The following NWD2 variants were observed in gnomAD, a reference collection of about 807,000 sequenced individuals.
NWD2 encodes NACHT and WD repeat domain containing 2.
Under a neutral mutation model 132.7 loss-of-function variants are expected in NWD2, and 37 were observed. That is an observed-to-expected ratio of 0.28 (90% CI 0.21 to 0.37). The LOEUF is 0.37. NWD2 is among the 10% of genes least tolerant of loss of function. The pLI is 1.00. For synonymous variants in NWD2, 705 were observed against 803.0 expected (o/e 0.88, Z 2.06); for missense variants, 1,592 against 2,122.4 (o/e 0.75, Z 4.91).
At chr4:37,284,374 A>C (rs1278640041) in intron 1 of NWD2, among the ~76,000 whole-genome samples, 2 of 152,202 alleles carry the variant, frequency 1.3e-5, no homozygotes, top group African/African-American at 4.8e-5. Flanking sequence ...GAACATATGA[A>C]TGATAGGATT....
intron 6 of NWD2, among the ~76,000 whole-genome samples, chr4:37,442,389 T>C (rs936599229): frequency 1.3e-5 from 2 of 152,242 alleles, no homozygotes; most frequent in East Asian, 3.8e-4. Flanking sequence ...TCACATATTT[T>C]ATCCTTTAAC....
At chr4:37,428,245 C>T (rs541633297) in intron 3 of NWD2, among the ~76,000 whole-genome samples, 40 of 152,232 alleles carry the variant, frequency 2.6e-4, no homozygotes, top group African/African-American at 9.1e-4. Context: ...GAAATGCCCC[C>T]TAGGGAAACC....
intron 1 of NWD2, among the ~76,000 whole-genome samples, chr4:37,273,955 C>G (rs1228607613): frequency 6.6e-6 from 1 of 151,948 alleles, no homozygotes; most frequent in African/African-American, 2.4e-5. Context: ...ATTTATAGCA[C>G]TAAATGCCCA....
chr4:37,249,043 T>C (rs1227027954), intron 1 of NWD2, among the ~76,000 whole-genome samples: 1 of 152,232 alleles, frequency 6.6e-6, no homozygotes, highest in African/African-American at 2.4e-5. Flanking sequence ...GTCTATCTGA[T>C]ATGGTAACAC....
intron 1 of NWD2, among the ~76,000 whole-genome samples, chr4:37,309,390 T>A (rs1718781907): frequency 6.6e-6 from 1 of 151,970 alleles, no homozygotes; most frequent in African/African-American, 2.4e-5. Context: ...TACAGGCCAC[T>A]GCATTGCCTC....
At chr4:37,270,124 G>A (rs1158147633) in intron 1 of NWD2, among the ~76,000 whole-genome samples, 3 of 151,570 alleles carry the variant, frequency 2.0e-5, no homozygotes, top group Admixed American at 6.6e-5. Flanking sequence ...TTCTTCTGAG[G>A]TATATGTTCA....
chr4:37,327,367 T>G (rs1193979889), intron 2 of NWD2, among the ~76,000 whole-genome samples: 6 of 152,154 alleles, frequency 3.9e-5, no homozygotes, highest in African/African-American at 1.4e-4. Context: ...GCACAGAAGA[T>G]GGATACAGGC....
chr4:37,405,161 C>A (rs1436030542), intron 3 of NWD2, among the ~76,000 whole-genome samples: 1 of 152,170 alleles, frequency 6.6e-6, no homozygotes, highest in African/African-American at 2.4e-5. Flanking sequence ...TGTCACCCAC[C>A]TCTGGGAACC....
At position 37,444,943 on chromosome 4, in the gene NWD2, T is replaced by C; in HGVS notation, c.2955T>C (p.Ala985=). The part of the protein sequence containing the change: ...PTCNPSTVLT[A]LENGSISTWD... ...GTAACCCCAGCACTGTCCTCACAGC[T>C]TTAGAAAATGGTTCCATCAGCACCT... The change falls in exon 7 of 7, where the codon GCT becomes GCC. Residue 985 remains alanine (A), a synonymous_variant. Coordinates refer to ENST00000309447, the MANE Select transcript of NWD2 (RefSeq NM_001144990.2). The surrounding 1 kb of genome is among the most constrained non-coding windows in gnomAD (Gnocchi z 4.8). The C allele has an allele frequency of 3.2e-6, 5 of 1,552,248 alleles. No individual in the cohort carries two copies. Among genetic ancestry groups the C allele is most frequent in the Middle Eastern group, 1.7e-4 (1 of 5,998 alleles).
At chr4:37,438,408 GCCT>G (rs1468142030) in intron 5 of NWD2, among the ~76,000 whole-genome samples, 7 of 152,124 alleles carry the variant, frequency 4.6e-5, no homozygotes, top group Non-Finnish European at 1.0e-4. Flanking sequence ...ACATCCTTCA[GCCT>G]CCTCCTCTTT....
chr4:37,434,072 A>C (rs1463844355), intron 5 of NWD2, 52 bp downstream of exon 5: 1 of 1,215,870 alleles, frequency 8.2e-7, no homozygotes, highest in African/African-American at 1.5e-5. Flanking sequence ...TAATAGGTAC[A>C]TCTACTGCTT....
intron 2 of NWD2, among the ~76,000 whole-genome samples, chr4:37,332,832 C>A (rs1303774263): frequency 6.6e-6 from 1 of 152,146 alleles, no homozygotes; most frequent in African/African-American, 2.4e-5. Context: ...TATTTCTGGA[C>A]CTGCCCTGGG....
At chr4:37,248,946 A>C (rs568434244) in intron 1 of NWD2, among the ~76,000 whole-genome samples, 1 of 152,190 alleles carries the variant, frequency 6.6e-6, no homozygotes, top group Non-Finnish European at 1.5e-5. Context: ...TGGGGTAACA[A>C]CCCATGTCGG....
chr4:37,357,499 A>T (rs1719894781), intron 3 of NWD2, among the ~76,000 whole-genome samples: 1 of 152,182 alleles, frequency 6.6e-6, no homozygotes, highest in Admixed American at 6.6e-5. Context: ...CCATATATAG[A>T]TAAGTTGATT....
intron 1 of NWD2, among the ~76,000 whole-genome samples, chr4:37,254,464 A>G (rs1208101067): frequency 2.0e-5 from 3 of 152,060 alleles, no homozygotes; most frequent in East Asian, 1.9e-4. Flanking sequence ...GTTCCACTCA[A>G]TTTTTTTTAA....
At chr4:37,253,907 GTTC>G (rs1471110033) in intron 1 of NWD2, among the ~76,000 whole-genome samples, 3 of 152,132 alleles carry the variant, frequency 2.0e-5, no homozygotes, top group East Asian at 1.9e-4. Flanking sequence ...TAAGCCTAAG[GTTC>G]TTCTTTTTTT....
At chr4:37,290,022 T>C (rs1311983272) in intron 1 of NWD2, among the ~76,000 whole-genome samples, 1 of 152,222 alleles carries the variant, frequency 6.6e-6, no homozygotes, top group Admixed American at 6.5e-5. Flanking sequence ...TTCTGGTGGC[T>C]TATTTGCCCT....
intron 3 of NWD2, among the ~76,000 whole-genome samples, chr4:37,396,996 G>A (rs1016172622): frequency 6.6e-6 from 1 of 151,390 alleles, no homozygotes; most frequent in Admixed American, 6.6e-5. Context: ...TCGTGCCATA[G>A]CACTCCAGCC....
chr4:37,291,620 G>T (rs540261743), intron 1 of NWD2, among the ~76,000 whole-genome samples: 2 of 151,886 alleles, frequency 1.3e-5, no homozygotes, highest in East Asian at 1.9e-4. Flanking sequence ...GGAAACCTTC[G>T]TAGCCTTTAC....
Sources: gnomAD v4.1 joint callset for allele counts (sites outside exome capture counted in the v4.1 genomes callset) on GRCh38, gnomAD v4.1.1 for gene constraint, Gnocchi (gnomAD v3.1) non-coding constraint, MANE v1.5 for transcripts, NCBI Gene and HGNC (gene_info 2026-07-23, HGNC 2026-07-21) for gene names.